Variants in VRK3 observed in about 807,000 individuals in gnomAD.
VRK3 encodes VRK serine/threonine kinase 3, also known as serine/threonine-protein kinase VRK3.
Under a neutral mutation model 60.4 loss-of-function variants are expected in VRK3, and 50 were observed. That is an observed-to-expected ratio of 0.83 (90% CI 0.66 to 1.05). The LOEUF (loss-of-function observed/expected upper bound fraction) is 1.05, where lower values mean the gene tolerates loss of function less well. Ranked by LOEUF, VRK3 falls within the 50% of genes least tolerant of loss-of-function variation. The pLI is 0.00. For synonymous variants in VRK3, 246 were observed against 227.8 expected (o/e 1.08, Z -0.72); for missense variants, 549 against 585.3 (o/e 0.94, Z 0.64).
Position 50,000,774 on chromosome 19 carries a change from C to G in VRK3, c.612+16G>C. On this transcript the variant is annotated intron_variant, in intron 6 of 14. Coordinates refer to ENST00000316763, the MANE Select transcript of VRK3 (RefSeq NM_016440.4). ...CCCTCCCCTCCAAGCTGCCCCCCAC[C>G]TGCAGGGTCACTTACCAGTTTGAGT... The G allele has an allele frequency of 1.2e-6, 2 of 1,609,176 alleles. No individual in the cohort carries two copies. Among genetic ancestry groups the G allele is most frequent in the Non-Finnish European group, 1.7e-6 (2 of 1,177,816 alleles).
At chr19:50,006,873 G>A (rs552749754) in intron 5 of VRK3, among the ~76,000 whole-genome samples, 1 of 152,206 alleles carries the variant, frequency 6.6e-6, no homozygotes, top group East Asian at 1.9e-4. Context: ...TTTCAGCCTT[G>A]TGCCTCCCTC....
Position 49,995,235 on chromosome 19 carries a change from G to A in VRK3, c.720C>T (p.Ala240=), listed in dbSNP as rs558019781. 3.1e-6 allele frequency: 5 copies of A among 1,614,202 alleles called. No individual in the cohort carries two copies. The South Asian group carries it at 4.4e-5, about 14-fold the overall frequency. Residue 240 remains alanine (A), a synonymous_variant, in exon 8 of 15, where the codon GCC becomes GCT. Transcript: ENST00000316763. The part of the protein sequence containing the change: ...WKKLYSTPLL[A]IPTCMGFGVH... ...CACCGAAACCCATGCAGGTAGGGAT[G>A]GCCAGCAGTGGGGTCGAGTACAGCT...
chr19:50,007,507 C>T, intron 5 of VRK3, 62 bp downstream of exon 5: 7 of 1,597,724 alleles, frequency 4.4e-6, no homozygotes, highest in Non-Finnish European at 6.0e-6. Flanking sequence ...AGAACGGGGT[C>T]CCCTCCCACT....
At chr19:50,010,037 C>T (rs996130141) in intron 3 of VRK3, among the ~76,000 whole-genome samples, 3 of 148,870 alleles carry the variant, frequency 2.0e-5, no homozygotes, top group Admixed American at 6.7e-5. Context: ...TTTCTGATTA[C>T]AATAATTATT....
chr19:49,992,772 A>C, intron 10 of VRK3, 88 bp downstream of exon 10: 4 of 1,259,048 alleles, frequency 3.2e-6, no homozygotes, highest in Non-Finnish European at 1.1e-6. Context: ...TTTGTCTGTA[A>C]TAAGCACTAT....
intron 3 of VRK3, among the ~76,000 whole-genome samples, chr19:50,012,822 C>T (rs2077016549): frequency 6.6e-6 from 1 of 151,930 alleles, no homozygotes. Flanking sequence ...TTGCAGTGAG[C>T]CGAGATCGTG....
At chr19:49,990,807 CA>C (rs1421415208) in intron 10 of VRK3, among the ~76,000 whole-genome samples, 2 of 150,542 alleles carry the variant, frequency 1.3e-5, no homozygotes, top group Non-Finnish European at 3.0e-5. Context: ...AGTTTTGAGA[CA>C]GGGTCTCACT....
intron 10 of VRK3, among the ~76,000 whole-genome samples, chr19:49,990,900 T>C (rs1475645952): frequency 6.6e-6 from 1 of 152,140 alleles, no homozygotes; most frequent in African/African-American, 2.4e-5. Flanking sequence ...TCCTTCTACC[T>C]CAGCCTCCTG....
chr19:49,994,871 A>G lies in VRK3; in HGVS notation c.813T>C (p.Asp271=). Residue 271 remains aspartate (D), a synonymous_variant, in exon 9 of 15, where the codon GAT becomes GAC. Coordinates refer to ENST00000316763, the MANE Select transcript of VRK3 (RefSeq NM_016440.4). ...CTGACAGCACATGCTTTGGGCTGAC[A>G]TCCAGGGCCGACTGAAGGCTCCTCC... ...SLGRSLQSAL[D]VSPKHVLSER... is the part of the protein sequence containing the mutation. The G allele has an allele frequency of 6.2e-7, 1 of 1,614,166 alleles. No individual in the cohort carries two copies. The highest frequency in any genetic ancestry group is 8.5e-7 in the Non-Finnish European group (1 of 1,180,034).
intron 12 of VRK3, among the ~76,000 whole-genome samples, chr19:49,982,532 GTATA>G (rs557796420): frequency 9.8e-4 from 150 of 152,356 alleles, no homozygotes; most frequent in African/African-American, 3.1e-3. Context: ...GGACACCAGC[GTATA>G]TAGTGTGGAG....
intron 1 of VRK3, among the ~76,000 whole-genome samples, chr19:50,023,743 G>C (rs963888563): frequency 6.6e-6 from 1 of 152,098 alleles, no homozygotes; most frequent in South Asian, 2.1e-4. Flanking sequence ...GGTGGGTGGG[G>C]GGGGTCCCCA....
chr19:50,011,971 CTTTTTTTTT>C (rs36006212), intron 3 of VRK3, among the ~76,000 whole-genome samples: 1 of 139,256 alleles, frequency 7.2e-6, no homozygotes, highest in African/African-American at 2.7e-5. Context: ...CTTGCTCATT[CTTTTTTTTT>C]TTTTTTTTGA....
chr19:49,977,171 C>T (rs1391277470), intron 14 of VRK3, among the ~76,000 whole-genome samples: 15 of 147,924 alleles, frequency 1.0e-4, no homozygotes, highest in Admixed American at 8.1e-4. Context: ...GCAAAGGTTC[C>T]GGGGTGGGGT....
intron 12 of VRK3, among the ~76,000 whole-genome samples, chr19:49,982,773 GT>G (rs2076445570): frequency 6.6e-6 from 1 of 152,142 alleles, no homozygotes; most frequent in Non-Finnish European, 1.5e-5. Context: ...ACACATATAT[GT>G]ATAACACAAA....
chr19:49,983,799 C>G (rs915840759), intron 12 of VRK3, among the ~76,000 whole-genome samples: 5 of 152,176 alleles, frequency 3.3e-5, no homozygotes, highest in African/African-American at 9.7e-5. Flanking sequence ...AGGAAACGAG[C>G]ATGTAGCAAC....
At chr19:50,016,912 G>A (rs1012111392) in intron 2 of VRK3, among the ~76,000 whole-genome samples, 7 of 152,048 alleles carry the variant, frequency 4.6e-5, no homozygotes, top group Admixed American at 2.6e-4. Flanking sequence ...GCAATACGCC[G>A]GGTGCGGTGG....
At chr19:50,001,418 T>C (rs1322866170) in intron 5 of VRK3, 1 of 152,494 alleles carries the variant, frequency 6.6e-6, no homozygotes, top group Non-Finnish European at 1.5e-5. Context: ...CCAGGTCCAG[T>C]GACTGATTGA....
At chr19:49,988,763 C>T (rs1014969685) in intron 11 of VRK3, among the ~76,000 whole-genome samples, 1 of 152,208 alleles carries the variant, frequency 6.6e-6, no homozygotes, top group Non-Finnish European at 1.5e-5. Flanking sequence ...TTCAATCAAG[C>T]CTCAGCACCC....
chr19:50,024,824 G>A (rs1175176475), intron 1 of VRK3: 2 of 152,164 alleles, frequency 1.3e-5, no homozygotes, highest in Admixed American at 6.5e-5. Flanking sequence ...AAATGTTTAG[G>A]GAACAGCTGC....
Sources: allele counts gnomAD v4.1 joint callset (sites outside exome capture counted in the v4.1 genomes callset), GRCh38; gene constraint gnomAD v4.1.1; transcripts MANE v1.5; gene names NCBI Gene and HGNC (gene_info 2026-07-23, HGNC 2026-07-21).